The following RRN3 variants were observed in gnomAD, a reference collection of about 807,000 sequenced individuals.
RRN3 encodes RNA polymerase I-specific transcription initiation factor RRN3.
Under a neutral mutation model 82.3 loss-of-function variants are expected in RRN3, and 38 were observed. That is an observed-to-expected ratio of 0.46 (90% CI 0.36 to 0.61). The LOEUF is 0.61. RRN3 is among the 20% of genes least tolerant of loss of function. RRN3 has a pLI of 0.00. For synonymous variants in RRN3, 284 were observed against 284.3 expected (o/e 1.00, Z 0.01); for missense variants, 726 against 793.1 (o/e 0.92, Z 1.02).
intron 16 of RRN3, among the ~76,000 whole-genome samples, chr16:15,063,577 G>A (rs1206198916): frequency 4.6e-5 from 7 of 151,390 alleles, no homozygotes; most frequent in African/African-American, 9.7e-5. Flanking sequence ...GTGTGGTGGC[G>A]GACACCTGTA....
chr16:15,061,709 C>T lies in RRN3; in HGVS notation c.*35G>A, dbSNP rs1218268080. 1 of 1,589,434 alleles carries T rather than the reference C, an allele frequency of 6.3e-7. No homozygotes were observed. The highest frequency in any genetic ancestry group is 1.3e-5 in the African/African-American group (1 of 74,570). ...GAGGGCATGACAAGTGATGGGGAAT[C>T]CCAAATGTCACATCTCAGTCACAAA... On this transcript the variant is annotated 3_prime_UTR_variant, in exon 18 of 18. Coordinates refer to ENST00000198767, the MANE Select transcript of RRN3 (RefSeq NM_018427.5).
At chr16:15,089,786 C>CAAAAAAAAAGAAAAAAA (rs2046053778) in intron 3 of RRN3, among the ~76,000 whole-genome samples, 1 of 66,574 alleles carries the variant, frequency 1.5e-5, no homozygotes, top group Non-Finnish European at 2.5e-5. Context: ...GGCGACAGAG[C>CAAAAAAAAAGAAAAAAA]AAAAAAAAAA....
intron 3 of RRN3, among the ~76,000 whole-genome samples, chr16:15,090,096 G>C (rs1404999502): frequency 6.6e-6 from 1 of 151,918 alleles, no homozygotes; most frequent in African/African-American, 2.4e-5. Flanking sequence ...TGTAATCTCA[G>C]CTATTTGGGA....
intron 3 of RRN3, among the ~76,000 whole-genome samples, chr16:15,089,377 A>C (rs1598003638): frequency 6.6e-6 from 1 of 152,186 alleles, no homozygotes; most frequent in African/African-American, 2.4e-5. Context: ...GGACACAGGT[A>C]GATTTCAAAG....
chr16:15,085,790 G>T (rs1485709376), intron 5 of RRN3, 92 bp from the exon 6 acceptor site: 2 of 1,519,676 alleles, frequency 1.3e-6, no homozygotes, highest in African/African-American at 2.8e-5. Flanking sequence ...ACAATGAACA[G>T]CTATAAAAAA....
chr16:15,083,804 C>A, intron 7 of RRN3: 3 of 446,146 alleles, frequency 6.7e-6, no homozygotes, highest in Admixed American at 3.9e-5. Flanking sequence ...GCAACCTCCG[C>A]CTCCCAGGTT....
chr16:15,062,957 C>A (rs2044773146), intron 17 of RRN3, among the ~76,000 whole-genome samples: 1 of 152,190 alleles, frequency 6.6e-6, no homozygotes. Flanking sequence ...TGACCTCCCA[C>A]CTCAGCTTCC....
In RRN3 at chr16:15,089,582, C is replaced by T. The variant is rs77808777; in HGVS notation, c.252+1733G>A. On this transcript the variant is annotated intron_variant, in intron 3 of 17. Transcript: ENST00000198767. ...TTGGGAGGCCAAGGCGGGCGGATCACGAGGTCAGAAGATCGAGACCATCCT... is the reference window on the plus strand; with the variant it reads ...TTGGGAGGCCAAGGCGGGCGGATCATGAGGTCAGAAGATCGAGACCATCCT... Among the ~76,000 whole-genome samples, 206 of 151,422 alleles carry T rather than the reference C, an allele frequency of 1.4e-3. 1 individual carries two copies. Among genetic ancestry groups the T allele is most frequent in the Non-Finnish European group, 2.0e-3 (137 of 67,794 alleles).
intron 12 of RRN3, among the ~76,000 whole-genome samples, chr16:15,071,693 A>G (rs1253138278): frequency 2.6e-5 from 4 of 152,154 alleles, no homozygotes; most frequent in African/African-American, 7.2e-5. Context: ...GCTTGAACCC[A>G]GGAGGCAGAG....
intron 8 of RRN3, among the ~76,000 whole-genome samples, chr16:15,080,931 C>A (rs1454910980): frequency 4.0e-5 from 6 of 151,578 alleles, no homozygotes; most frequent in African/African-American, 1.5e-4. Flanking sequence ...GAGTCATACA[C>A]AGTTTGTGGC....
rs749991158 is a variant in RRN3, at chr16:15,074,809, TCGAGCCGTTCAGGAC to T, written c.896_910del (p.Gly299_Leu303del). On this transcript the variant is annotated inframe_deletion, in exon 11 of 18. Coordinates refer to ENST00000198767, the MANE Select transcript of RRN3 (RefSeq NM_018427.5). ...CTCGGCTACAGGATGCACCATCTGG[TCGAGCCGTTCAGGAC>T]CAGCCTTTGTTTCATGTTCAGTTTC... 1 of 1,614,036 alleles carries T rather than the reference TCGAGCCGTTCAGGAC, an allele frequency of 6.2e-7. No homozygotes were observed. The highest frequency in any genetic ancestry group is 1.7e-5 in the Admixed American group (1 of 60,006).
rs746600945 is a variant in RRN3 at position 15,092,021 on chromosome 16, AT to A, written c.195+487del. ...GTGAAACCCTGCCTCTACTAAAAAA[AT>A]AAAAAAATTAGCCAGGTGTGGTGGT... is the stretch of plus-strand genomic sequence containing the variant. On this transcript the variant is annotated intron_variant, in intron 2 of 17. Coordinates refer to ENST00000198767, the MANE Select transcript of RRN3 (RefSeq NM_018427.5). Among the ~76,000 whole-genome samples, 1,088 of 152,242 alleles carry A rather than the reference AT, an allele frequency of 7.1e-3. 6 individuals carry two copies. Among genetic ancestry groups the A allele is most frequent in the Non-Finnish European group, 9.4e-3 (641 of 68,010 alleles).
chr16:15,078,808 TTTTC>T (rs2045571161), intron 9 of RRN3, among the ~76,000 whole-genome samples: 1 of 127,312 alleles, frequency 7.9e-6, no homozygotes, highest in Non-Finnish European at 1.7e-5. Context: ...CTTCGTATTT[TTTTC>T]TTTTTTTTTT....
intron 11 of RRN3, 119 bp downstream of exon 11, chr16:15,074,604 A>AAT: frequency 1.4e-6 from 1 of 703,398 alleles, no homozygotes; most frequent in Admixed American, 3.4e-5. Flanking sequence ...TCTTAAACTC[A>AAT]TACTCAATAG....
chr16:15,074,124 T>C (rs2045352259), intron 11 of RRN3, among the ~76,000 whole-genome samples: 1 of 152,186 alleles, frequency 6.6e-6, no homozygotes, highest in Non-Finnish European at 1.5e-5. Context: ...TTTTATCCTT[T>C]CCTGTAGTTT....
chr16:15,061,616 G>T lies in RRN3; in HGVS notation c.*128C>A, dbSNP rs912721668. The T allele has an allele frequency of 2.6e-6, 2 of 781,202 alleles. No homozygotes were observed. Among genetic ancestry groups the T allele is most frequent in the Non-Finnish European group, 4.0e-6 (2 of 500,396 alleles). 48.4% of individuals were successfully genotyped at this position (781,202 alleles called of 1,614,324 possible). ...GCTTGATTCAGTCGAACCTGGAAGT[G>T]CCACAGCCGAGGCAGGCACTCGCTC... On this transcript the variant is annotated 3_prime_UTR_variant, in exon 18 of 18. Coordinates refer to ENST00000198767, the MANE Select transcript of RRN3 (RefSeq NM_018427.5).
chr16:15,086,310 C>G (rs1158697403), intron 4 of RRN3, 52 bp from the exon 5 acceptor site: 2 of 1,604,754 alleles, frequency 1.2e-6, no homozygotes, highest in African/African-American at 2.7e-5. Flanking sequence ...ATAACATATA[C>G]TATTACCAAA....
rs2044702678 is a variant in RRN3, at chr16:15,061,346, C to G, written c.*398G>C. On this transcript the variant is annotated 3_prime_UTR_variant, in exon 18 of 18. Transcript: ENST00000198767. ...GATTCTTCACTGAAAGCTCATCAGT[C>G]AAGTCCTAAGACCATGGATCTGACA... The G allele has an allele frequency of 5.4e-6, 1 of 186,896 alleles. No homozygotes were observed. The highest frequency in any genetic ancestry group is 2.3e-5 in the African/African-American group (1 of 42,928). The allele number at this position is 186,896 out of a possible 1,614,324, so 11.6% of individuals were successfully genotyped here.
At position 15,065,220 on chromosome 16, in the gene RRN3, T is replaced by C; in HGVS notation, c.1705A>G (p.Arg569Gly). 3.7e-6 allele frequency: 6 copies of C among 1,604,464 alleles called. No individual in the cohort carries two copies. Among genetic ancestry groups the C allele is most frequent in the Non-Finnish European group, 5.1e-6 (6 of 1,176,352 alleles). Residue 569 changes from arginine to glycine, a missense_variant and splice_region_variant, in exon 16 of 18, where the codon AGG (arginine) becomes GGG (glycine). Arg to Gly is a moderately radical substitution (Grantham distance 125, BLOSUM62 -2). Transcript: ENST00000198767. Reference sequence around the variant, plus strand: ...GCGTCAATGTTTAAAAGTACCTACCTCTTCAGCACACAGGGATCAAAGGGG... The same window carrying C: ...GCGTCAATGTTTAAAAGTACCTACCCCTTCAGCACACAGGGATCAAAGGGG... ...FFPFDPCVLK[R>G]SKKFIDPIYQ... is the part of the protein sequence containing the mutation.
Sources: allele counts gnomAD v4.1 joint callset (sites outside exome capture counted in the v4.1 genomes callset), GRCh38; gene constraint gnomAD v4.1.1; transcripts MANE v1.5; gene names NCBI Gene and HGNC (gene_info 2026-07-23, HGNC 2026-07-21).